The following RUNDC3B variants were observed in gnomAD, a reference collection of about 807,000 sequenced individuals.
The protein encoded by RUNDC3B is RUN domain containing 3B.
A neutral mutation model predicts 58.4 loss-of-function variants in RUNDC3B; 33 were observed. The ratio of observed to expected loss-of-function variants is 0.56; its 90% CI spans 0.43 to 0.75. RUNDC3B has a LOEUF of 0.75. RUNDC3B is among the 30% of genes least tolerant of loss of function. RUNDC3B has a pLI of 0.00. For missense variants in RUNDC3B, 501 were observed against 535.7 expected, an observed-to-expected ratio of 0.94 and a Z score of 0.64; for synonymous variants, 193 against 195.2, an observed-to-expected ratio of 0.99 and a Z score of 0.10.
rs140090462 is a variant in RUNDC3B at position 87,688,643 on chromosome 7, G to A, written c.239-11778G>A. Reference sequence around the variant, plus strand: ...ATTACTGTTGGTAGTTTGTTATTTTGTACTTATTTTTCATTTGAGACTTTA... The same window carrying A: ...ATTACTGTTGGTAGTTTGTTATTTTATACTTATTTTTCATTTGAGACTTTA... On this transcript the variant is annotated intron_variant, in intron 2 of 10. Transcript: ENST00000394654. 8.6e-3 allele frequency among the ~76,000 whole-genome samples: 1,299 copies of A among 151,646 alleles called. 14 individuals carry two copies. Among genetic ancestry groups the A allele is most frequent in the African/African-American group, 0.03 (1,242 of 41,432 alleles).
intron 10 of RUNDC3B, among the ~76,000 whole-genome samples, chr7:87,824,417 T>C (rs1183305713): frequency 2.0e-5 from 3 of 152,210 alleles, no homozygotes; most frequent in Non-Finnish European, 4.4e-5. Context: ...CCTTCCACCA[T>C]GATTGTGAGG....
chr7:87,761,018 A>G (rs1436525559), intron 6 of RUNDC3B, among the ~76,000 whole-genome samples: 1 of 152,038 alleles, frequency 6.6e-6, no homozygotes, highest in African/African-American at 2.4e-5. Context: ...ATCAAAAGAT[A>G]CCATCAAAAA....
At chr7:87,705,329 G>A (rs903286262) in intron 3 of RUNDC3B, among the ~76,000 whole-genome samples, 1 of 152,188 alleles carries the variant, frequency 6.6e-6, no homozygotes, top group Non-Finnish European at 1.5e-5. Flanking sequence ...GGGAGGCTGA[G>A]GCAGGAGAAT....
chr7:87,782,532 G>A (rs1834985349), intron 8 of RUNDC3B, among the ~76,000 whole-genome samples: 1 of 151,692 alleles, frequency 6.6e-6, no homozygotes, highest in South Asian at 2.1e-4. Flanking sequence ...ATTTATTTTT[G>A]TTATTTTAGT....
chr7:87,678,890 A>C (rs1826637897), intron 2 of RUNDC3B, among the ~76,000 whole-genome samples: 1 of 152,162 alleles, frequency 6.6e-6, no homozygotes, highest in Non-Finnish European at 1.5e-5. Flanking sequence ...ACAAAACCAA[A>C]GTATGTATGC....
At chr7:87,824,343 T>G (rs994390167) in intron 10 of RUNDC3B, among the ~76,000 whole-genome samples, 2 of 152,152 alleles carry the variant, frequency 1.3e-5, no homozygotes, top group African/African-American at 4.8e-5. Context: ...ATCTGATGGT[T>G]TTAAAAAGGG....
At chr7:87,715,373 T>TTATATATAATTAATTTATAA (rs1232114563) in intron 4 of RUNDC3B, among the ~76,000 whole-genome samples, 1 of 127,958 alleles carries the variant, frequency 7.8e-6, no homozygotes, top group Non-Finnish European at 1.6e-5. Context: ...TTTATAATAA[T>TTATATATAATTAATTTATAA]TATATAATCA....
chr7:87,811,120 A>T (rs977141705), intron 9 of RUNDC3B, among the ~76,000 whole-genome samples: 1 of 152,166 alleles, frequency 6.6e-6, no homozygotes, highest in African/African-American at 2.4e-5. Context: ...CTGGTAGGTT[A>T]TCTGTTACAT....
At chr7:87,797,083 A>G (rs1835860226) in intron 8 of RUNDC3B, among the ~76,000 whole-genome samples, 1 of 152,346 alleles carries the variant, frequency 6.6e-6, no homozygotes, top group African/African-American at 2.4e-5. Flanking sequence ...CACAAAGTGT[A>G]TAAAGATGTA....
intron 6 of RUNDC3B, 113 bp from the exon 7 acceptor site, chr7:87,770,468 A>G: frequency 2.5e-6 from 2 of 790,166 alleles, no homozygotes; most frequent in Non-Finnish European, 2.1e-6. Flanking sequence ...ATAATTTTGT[A>G]TTTAGTACTA....
intron 4 of RUNDC3B, among the ~76,000 whole-genome samples, chr7:87,727,539 T>G (rs2130787016): frequency 6.6e-6 from 1 of 152,312 alleles, no homozygotes; most frequent in Non-Finnish European, 1.5e-5. Context: ...TTCATTTTTA[T>G]GAGTAGGCAA....
intron 3 of RUNDC3B, among the ~76,000 whole-genome samples, chr7:87,705,164 C>G (rs1829475974): frequency 6.6e-6 from 1 of 152,194 alleles, no homozygotes; most frequent in Non-Finnish European, 1.5e-5. Context: ...GTGGCTCATG[C>G]CTGTAATCCC....
intron 1 of RUNDC3B, among the ~76,000 whole-genome samples, chr7:87,636,286 G>A (rs770853348): frequency 2.0e-5 from 3 of 152,176 alleles, no homozygotes; most frequent in Non-Finnish European, 4.4e-5. Context: ...TTGTTGGGGT[G>A]TCACATGGTG....
Position 87,831,847 on chromosome 7 carries a change from C to A in RUNDC3B, c.*1817C>A, listed in dbSNP as rs1838142578. 1 of 151,870 alleles carries A rather than the reference C, an allele frequency of 6.6e-6. No individual in the cohort carries two copies. The highest frequency in any genetic ancestry group is 2.4e-5 in the African/African-American group (1 of 41,412). 9.4% of individuals were successfully genotyped at this position (151,870 alleles called of 1,614,324 possible). A position where few individuals can be genotyped will look rare whatever the true frequency, so the allele number is the denominator to read the frequency against. On this transcript the variant is annotated 3_prime_UTR_variant, in exon 11 of 11. Transcript: ENST00000394654. ...TTATCATTCATGGTCCACTCTCAACCAACATTTATTATCCTTTAGTAATTA... is the reference window on the plus strand; with the variant it reads ...TTATCATTCATGGTCCACTCTCAACAAACATTTATTATCCTTTAGTAATTA...
intron 10 of RUNDC3B, among the ~76,000 whole-genome samples, chr7:87,820,607 A>T (rs1837364120): frequency 6.6e-6 from 1 of 152,222 alleles, no homozygotes; most frequent in South Asian, 2.1e-4. Context: ...CTAGACCAAT[A>T]TCCTTGATGA....
intron 10 of RUNDC3B, among the ~76,000 whole-genome samples, chr7:87,818,746 T>C (rs1837219588): frequency 6.6e-6 from 1 of 152,024 alleles, no homozygotes; most frequent in African/African-American, 2.4e-5. Context: ...AAAGAAGGAA[T>C]TGGGATGTTT....
At chr7:87,788,041 C>T (rs1835315988) in intron 8 of RUNDC3B, among the ~76,000 whole-genome samples, 1 of 152,154 alleles carries the variant, frequency 6.6e-6, no homozygotes, top group South Asian at 2.1e-4. Flanking sequence ...TCACTTGTAA[C>T]TGTAATTCTT....
intron 1 of RUNDC3B, among the ~76,000 whole-genome samples, chr7:87,649,855 GT>G (rs1411306553): frequency 6.6e-6 from 1 of 152,118 alleles, no homozygotes; most frequent in Non-Finnish European, 1.5e-5. Flanking sequence ...AGATTTGATA[GT>G]TTTATAAAGG....
chr7:87,821,636 A>G lies in RUNDC3B; in HGVS notation c.1225+5374A>G, dbSNP rs1294092857. Reference sequence around the variant, plus strand: ...AGAGGCATCACGCTACCTGACTTCAAACTATACTACAATGCTACAGTAACC... The same window carrying G: ...AGAGGCATCACGCTACCTGACTTCAGACTATACTACAATGCTACAGTAACC... On this transcript the variant is annotated intron_variant, in intron 10 of 10. Coordinates refer to ENST00000394654, the MANE Select transcript of RUNDC3B (RefSeq NM_001134405.2). Among the ~76,000 whole-genome samples, 3 of 152,216 alleles carry G rather than the reference A, an allele frequency of 2.0e-5. No homozygotes were observed. In the East Asian group the frequency reaches 5.8e-4, roughly 29 times the overall value.
Sources: gnomAD v4.1 joint callset for allele counts (sites outside exome capture counted in the v4.1 genomes callset) on GRCh38, gnomAD v4.1.1 for gene constraint, MANE v1.5 for transcripts, NCBI Gene and HGNC (gene_info 2026-07-23, HGNC 2026-07-21) for gene names.